LDLRAD4: variants seen among roughly 807,000 people sequenced by gnomAD.
LDLRAD4 encodes low-density lipoprotein receptor class A domain-containing protein 4.
LDLRAD4 carries 5 observed loss-of-function variants against 17.0 expected under a neutral mutation model. The ratio of observed to expected loss-of-function variants is 0.29; its 90% CI spans 0.15 to 0.62. LDLRAD4 has a LOEUF of 0.62. Ranked by LOEUF, LDLRAD4 falls within the 20% of genes least tolerant of loss-of-function variation. LDLRAD4 has a pLI of 0.84. For missense variants in LDLRAD4, 340 were observed against 424.7 expected, an observed-to-expected ratio of 0.80 and a Z score of 1.75; for synonymous variants, 168 against 171.8, an observed-to-expected ratio of 0.98 and a Z score of 0.17.
At chr18:13,258,312 G>A (rs534784626) in intron 1 of LDLRAD4, among the ~76,000 whole-genome samples, 2 of 151,670 alleles carry the variant, frequency 1.3e-5, no homozygotes, top group African/African-American at 4.8e-5. Context: ...GAATGTTAGG[G>A]TTTTCTTTTT....
chr18:13,331,497 A>G (rs1209347548), intron 1 of LDLRAD4, among the ~76,000 whole-genome samples: 2 of 152,256 alleles, frequency 1.3e-5, no homozygotes, highest in Middle Eastern at 3.2e-3. Flanking sequence ...TTATCTGACC[A>G]CATTAATTAG....
intron 2 of LDLRAD4, among the ~76,000 whole-genome samples, chr18:13,406,905 T>C (rs1173686142): frequency 6.6e-6 from 1 of 152,052 alleles, no homozygotes; most frequent in African/African-American, 2.4e-5. Context: ...GAAGGTGGAC[T>C]TGAGTCCATA....
chr18:13,320,447 T>A (rs913161848), intron 1 of LDLRAD4, among the ~76,000 whole-genome samples: 6 of 152,234 alleles, frequency 3.9e-5, no homozygotes, highest in African/African-American at 1.4e-4. Context: ...CTGAGCCTGC[T>A]GCTCTCCCCC....
chr18:13,273,979 TG>T (rs368780449), upstream of LDLRAD4, among the ~76,000 whole-genome samples: 89 of 152,262 alleles, frequency 5.8e-4, 1 homozygote, highest in African/African-American at 2.0e-3. Context: ...CACAGGACCC[TG>T]CTGTTGGAAA....
Position 13,524,574 on chromosome 18 carries a change from G to T in LDLRAD4, c.181+86190G>T, listed in dbSNP as rs945332926. ...CTGTATCAGGTAGTGCCTCAGTAAC[G>T]CCGTGTAACAAACCACTTCCAAGCT... On this transcript the variant is annotated intron_variant, in intron 3 of 5. Coordinates refer to ENST00000359446, the Ensembl canonical transcript of LDLRAD4. Among the ~76,000 whole-genome samples the T allele has an allele frequency of 3.3e-5, 5 of 152,266 alleles. No individual in the cohort carries two copies. In the East Asian group the frequency reaches 9.7e-4, roughly 29 times the overall value.
chr18:13,539,752 T>C (rs1239802798), intron 3 of LDLRAD4, among the ~76,000 whole-genome samples: 2 of 152,236 alleles, frequency 1.3e-5, no homozygotes, highest in Non-Finnish European at 2.9e-5. Context: ...TTTGCTCAAT[T>C]GCATCCTGGG....
chr18:13,353,622 G>A (rs766552265), intron 1 of LDLRAD4, among the ~76,000 whole-genome samples: 12 of 152,166 alleles, frequency 7.9e-5, no homozygotes, highest in Non-Finnish European at 1.2e-4. Flanking sequence ...TTCTGAGCTT[G>A]GAGTTAGGCA....
At chr18:13,238,513 C>T (rs893833320) in intron 1 of LDLRAD4, among the ~76,000 whole-genome samples, 3 of 152,182 alleles carry the variant, frequency 2.0e-5, no homozygotes, top group African/African-American at 7.2e-5. Context: ...ACTCTGTGCT[C>T]TTTCTGTAAT....
At chr18:13,420,057 T>C (rs990205824) in intron 2 of LDLRAD4, 1 of 152,172 alleles carries the variant, frequency 6.6e-6, no homozygotes, top group African/African-American at 2.4e-5. Context: ...CCTACAATAC[T>C]GAGAACCTTT....
intron 4 of LDLRAD4, among the ~76,000 whole-genome samples, chr18:13,636,271 CA>C (rs954361000): frequency 6.6e-6 from 1 of 151,786 alleles, no homozygotes; most frequent in Non-Finnish European, 1.5e-5. Context: ...AACCCATGGA[CA>C]AAAAAGGTCG....
intron 3 of LDLRAD4, among the ~76,000 whole-genome samples, chr18:13,576,692 C>G (rs936953225): frequency 9.9e-5 from 15 of 152,208 alleles, no homozygotes; most frequent in African/African-American, 3.4e-4. Flanking sequence ...CTGCTGGGCT[C>G]TCTGAGCTCA....
chr18:13,526,205 T>C (rs530725036), intron 3 of LDLRAD4: 6 of 152,306 alleles, frequency 3.9e-5, no homozygotes, highest in African/African-American at 1.4e-4. Flanking sequence ...TCCCAAGCCT[T>C]CAGGATTTCC....
At chr18:13,373,430 A>G (rs2084668956) in intron 1 of LDLRAD4, among the ~76,000 whole-genome samples, 1 of 152,212 alleles carries the variant, frequency 6.6e-6, no homozygotes, top group African/African-American at 2.4e-5. Flanking sequence ...TCACAGTTAT[A>G]GGATTGTGCA....
chr18:13,507,673 T>C (rs776310341), intron 3 of LDLRAD4, among the ~76,000 whole-genome samples: 8 of 152,192 alleles, frequency 5.3e-5, no homozygotes, highest in Non-Finnish European at 1.0e-4. Flanking sequence ...TGTAGTTGTT[T>C]TGGGGCACCA....
At chr18:13,545,101 A>G (rs2094342200) in intron 3 of LDLRAD4, among the ~76,000 whole-genome samples, 1 of 152,044 alleles carries the variant, frequency 6.6e-6, no homozygotes, top group Non-Finnish European at 1.5e-5. Context: ...TCCTCAGCTG[A>G]GAGAGTGGGG....
intron 1 of LDLRAD4, among the ~76,000 whole-genome samples, chr18:13,323,128 C>T (rs2143421922): frequency 6.6e-6 from 1 of 152,308 alleles, no homozygotes; most frequent in Non-Finnish European, 1.5e-5. Flanking sequence ...AAAACCACGT[C>T]CTTCTCACTC....
chr18:13,494,678 A>AT (rs373444135), intron 3 of LDLRAD4, among the ~76,000 whole-genome samples: 298 of 9,326 alleles, frequency 0.032, 20 homozygotes, highest in African/African-American at 0.046. Flanking sequence ...TTAATAATAT[A>AT]ATATATTATT....
chr18:13,455,060 T>C (rs757383744), intron 3 of LDLRAD4, among the ~76,000 whole-genome samples: 8 of 152,186 alleles, frequency 5.3e-5, no homozygotes, highest in Non-Finnish European at 1.2e-4. Flanking sequence ...GCGAAGCTGG[T>C]GGATGCTGGA....
intron 3 of LDLRAD4, among the ~76,000 whole-genome samples, chr18:13,570,735 C>T (rs764068190): frequency 4.6e-5 from 7 of 152,356 alleles, no homozygotes; most frequent in Non-Finnish European, 7.3e-5. Context: ...TGACAGAAGG[C>T]GCAGCCCTCT....
Sources: gnomAD v4.1 joint callset for allele counts (sites outside exome capture counted in the v4.1 genomes callset) on GRCh38, gnomAD v4.1.1 for gene constraint, MANE v1.5 for transcripts, NCBI Gene and HGNC (gene_info 2026-07-23, HGNC 2026-07-21) for gene names.